The following PDLIM5 variants were observed in gnomAD, a reference collection of about 807,000 sequenced individuals.
The protein encoded by PDLIM5 is PDZ and LIM domain 5.
PDLIM5 carries 34 observed loss-of-function variants against 64.2 expected under a neutral mutation model. The observed-to-expected ratio is 0.53, with a 90% confidence interval of 0.40 to 0.71. The LOEUF is 0.71. PDLIM5 is among the 30% of genes least tolerant of loss of function. The pLI, the probability that PDLIM5 is intolerant of heterozygous loss-of-function variation, is 0.00. For synonymous variants in PDLIM5, 253 were observed against 269.1 expected (o/e 0.94, Z 0.59); for missense variants, 683 against 733.6 (o/e 0.93, Z 0.80).
chr4:94,529,548 A>G (rs1730671642), intron 3 of PDLIM5, among the ~76,000 whole-genome samples: 1 of 152,158 alleles, frequency 6.6e-6, no homozygotes, highest in African/African-American at 2.4e-5. Flanking sequence ...GATAAGAAAA[A>G]GTAAGATAAA....
At position 94,618,000 on chromosome 4, in the gene PDLIM5, A is replaced by T; in HGVS notation, c.921-4A>T. 6.6e-7 allele frequency: 1 copy of T among 1,512,640 alleles called. No homozygotes were observed. The highest frequency in any genetic ancestry group is 8.9e-7 in the Non-Finnish European group (1 of 1,124,258). The allele number at this position is 1,512,640 out of a possible 1,614,324, so 93.7% of individuals were successfully genotyped here. On this transcript the variant is annotated splice_region_variant and splice_polypyrimidine_tract_variant and intron_variant, in intron 7 of 12. Transcript: ENST00000317968. ...CCAAAGATGTTTCTTTATTTCCTTT[A>T]CAGTAACTCTCAGGAGCCTTCTCCG...
chr4:94,651,366 C>T (rs564388722), intron 9 of PDLIM5, among the ~76,000 whole-genome samples: 1 of 152,144 alleles, frequency 6.6e-6, no homozygotes, highest in Admixed American at 6.6e-5. Flanking sequence ...GTCTAAAATT[C>T]CTTTTGCTAT....
chr4:94,504,575 G>A (rs561597093), intron 2 of PDLIM5, among the ~76,000 whole-genome samples: 2 of 152,280 alleles, frequency 1.3e-5, no homozygotes, highest in African/African-American at 2.4e-5. Context: ...GTGAGCCGCC[G>A]TGCCTGGCCC....
chr4:94,601,540 A>G (rs143463966), intron 7 of PDLIM5, among the ~76,000 whole-genome samples: 77 of 152,218 alleles, frequency 5.1e-4, no homozygotes, highest in African/African-American at 1.7e-3. Flanking sequence ...TAGAAAAATG[A>G]TTTCTTTGAG....
intron 2 of PDLIM5, among the ~76,000 whole-genome samples, chr4:94,463,720 C>T (rs1724102385): frequency 6.6e-6 from 1 of 152,122 alleles, no homozygotes; most frequent in South Asian, 2.1e-4. Context: ...CTGTGTTGTT[C>T]AAGGGTCAAC....
chr4:94,586,740 G>A (rs2110317570), intron 7 of PDLIM5, among the ~76,000 whole-genome samples: 1 of 152,278 alleles, frequency 6.6e-6, no homozygotes, highest in Non-Finnish European at 1.5e-5. Flanking sequence ...GAGCTCGTGT[G>A]TTGTCTTGCA....
chr4:94,538,018 G>T (rs533028370), intron 3 of PDLIM5, among the ~76,000 whole-genome samples: 12 of 152,082 alleles, frequency 7.9e-5, no homozygotes, highest in African/African-American at 2.9e-4. Context: ...GAAGACATTT[G>T]TTTGATATTC....
intron 3 of PDLIM5, among the ~76,000 whole-genome samples, chr4:94,556,214 G>A (rs2110224609): frequency 6.6e-6 from 1 of 152,200 alleles, no homozygotes; most frequent in Admixed American, 6.6e-5. Context: ...CTTCATCAAT[G>A]TCCCTACAAA....
Position 94,575,840 on chromosome 4 carries a change from C to G in PDLIM5, c.516C>G (p.Pro172=). Residue 172 remains proline, a synonymous_variant, in exon 5 of 13, where the codon CCC becomes CCG. Transcript: ENST00000317968. ...CACCCGTGGCTGCCGTCACTCCTCC[C>G]CTGTTCGCTGCATCTGGACTGCATG... The part of the protein sequence containing the change: ...SPSPVAAVTP[P]LFAASGLHAN... 6.2e-7 allele frequency: 1 copy of G among 1,614,184 alleles called. No homozygotes were observed. The highest frequency in any genetic ancestry group is 8.5e-7 in the Non-Finnish European group (1 of 1,180,024).
intron 2 of PDLIM5, among the ~76,000 whole-genome samples, chr4:94,476,106 A>G (rs1725300202): frequency 6.6e-6 from 1 of 152,214 alleles, no homozygotes; most frequent in African/African-American, 2.4e-5. Flanking sequence ...ATTCATGCCT[A>G]CATGTCTCAT....
chr4:94,622,890 C>G (rs1739358359), intron 8 of PDLIM5, among the ~76,000 whole-genome samples: 1 of 152,094 alleles, frequency 6.6e-6, no homozygotes, highest in African/African-American at 2.4e-5. Flanking sequence ...AGGATGGTCT[C>G]AATCTCCTGA....
intron 2 of PDLIM5, among the ~76,000 whole-genome samples, chr4:94,483,163 A>G (rs1000616453): frequency 6.6e-6 from 1 of 152,146 alleles, no homozygotes; most frequent in African/African-American, 2.4e-5. Context: ...TGTGTTTAAA[A>G]ATGGCTTGTT....
Position 94,523,774 on chromosome 4 carries a change from G to T in PDLIM5, c.147G>T (p.Val49=), listed in dbSNP as rs114621202. ...AGGCAAATGTAAGAATAGGCGATGTGGTTCTCAGCATTGATGGAATAAATG... is the reference window on the plus strand; with the variant it reads ...AGGCAAATGTAAGAATAGGCGATGTTGTTCTCAGCATTGATGGAATAAATG... ...AAQANVRIGD[V]VLSIDGINAQ... is the part of the protein sequence containing the mutation. Residue 49 remains valine (V), a synonymous_variant, in exon 3 of 13, where the codon GTG becomes GTT. Transcript: ENST00000317968. 1,039 of 1,612,740 alleles carry T rather than the reference G, an allele frequency of 6.4e-4. 8 individuals carry two copies. The African/African-American group carries it at 0.012, about 18-fold the overall frequency.
intron 2 of PDLIM5, among the ~76,000 whole-genome samples, chr4:94,471,391 T>TA (rs1006552729): frequency 9.0e-4 from 131 of 146,084 alleles, no homozygotes; most frequent in Admixed American, 8.9e-4. Flanking sequence ...TTTCTAGGCT[T>TA]AAAAAAAAAA....
At chr4:94,478,382 G>T (rs941883623) in intron 2 of PDLIM5, among the ~76,000 whole-genome samples, 1 of 152,172 alleles carries the variant, frequency 6.6e-6, no homozygotes, top group Admixed American at 6.5e-5. Flanking sequence ...AGTTTTTAGG[G>T]AGTCAAAAGT....
At chr4:94,556,077 C>T (rs1490758715) in intron 3 of PDLIM5, among the ~76,000 whole-genome samples, 1 of 147,664 alleles carries the variant, frequency 6.8e-6, no homozygotes, top group Non-Finnish European at 1.5e-5. Context: ...CACAACAGGC[C>T]CCGGTGTGTG....
rs764781254 is a variant in PDLIM5, at chr4:94,455,391, A to G, written c.96+7A>G. On this transcript the variant is annotated splice_region_variant and intron_variant, in intron 2 of 12. Coordinates refer to ENST00000317968, the MANE Select transcript of PDLIM5 (RefSeq NM_006457.5). The stretch of plus-strand genomic sequence containing the variant: ...GCCTCTGACAATCTCTAGTGTAAGT[A>G]AACTTTACAAATTTTATTATAGATG... The G allele has an allele frequency of 1.3e-6, 2 of 1,564,712 alleles. No homozygotes were observed.
intron 3 of PDLIM5, among the ~76,000 whole-genome samples, chr4:94,539,706 G>A (rs1054618429): frequency 6.6e-5 from 10 of 152,128 alleles, no homozygotes; most frequent in African/African-American, 2.4e-4. Context: ...AGGAGATATT[G>A]CATGAATTAA....
chr4:94,459,670 C>T (rs1018185587), intron 2 of PDLIM5, among the ~76,000 whole-genome samples: 3 of 152,184 alleles, frequency 2.0e-5, no homozygotes, highest in African/African-American at 7.2e-5. Context: ...TGTCGTAAGA[C>T]CTGTCACAAG....
Sources: allele counts gnomAD v4.1 joint callset (sites outside exome capture counted in the v4.1 genomes callset), GRCh38; gene constraint gnomAD v4.1.1; transcripts MANE v1.5; gene names NCBI Gene and HGNC (gene_info 2026-07-23, HGNC 2026-07-21).